The following FSIP2 variants were observed in gnomAD, a reference collection of about 807,000 sequenced individuals.
The protein encoded by FSIP2 is fibrous sheath interacting protein 2.
A neutral mutation model predicts 510.5 loss-of-function variants in FSIP2; 367 were observed. That is an observed-to-expected ratio of 0.72 (90% CI 0.66 to 0.78). FSIP2 has a LOEUF of 0.78. Ranked by LOEUF, FSIP2 falls within the 30% of genes least tolerant of loss-of-function variation. FSIP2 has a pLI of 0.00. For missense variants in FSIP2, 7,594 were observed against 7,901.7 expected (o/e 0.96, Z 1.48); for synonymous variants, 2,601 against 2,732.2 (o/e 0.95, Z 1.50).
In FSIP2 at chr2:185,789,433, T is replaced by C; in HGVS notation, c.2297T>C (p.Leu766Ser). ...SEIVENMLEK[L>S]ESAVEKKCVE... ...ATTGTGGAAAATATGCTTGAGAAGT[T>C]AGAGTCTGCAGTTGAGAAAAAATGT... The change falls in exon 16 of 23, where the codon TTA becomes TCA. Residue 766 changes from leucine to serine, a missense_variant. Transcript: ENST00000424728. The C allele has an allele frequency of 9.8e-6, 15 of 1,534,834 alleles. No homozygotes were observed. Among genetic ancestry groups the C allele is most frequent in the Non-Finnish European group, 1.3e-5 (15 of 1,145,898 alleles).
chr2:185,803,539 C>T lies in FSIP2; in HGVS notation c.14233C>T (p.Pro4745Ser). Residue 4745 changes from proline to serine, a missense_variant, in exon 17 of 23, where the codon CCA becomes TCA. Physicochemically the swap from Pro to Ser is moderately conservative, Grantham distance 74. Transcript: ENST00000424728. ...LAEIFDFQIH[P>S]DLIANLPFKS... The stretch of plus-strand genomic sequence containing the variant: ...TGAAATTTTTGATTTCCAAATTCAT[C>T]CAGATCTTATAGCAAATCTGCCTTT... The T allele has an allele frequency of 6.5e-7, 1 of 1,533,002 alleles. No homozygotes were observed. The highest frequency in any genetic ancestry group is 8.7e-7 in the Non-Finnish European group (1 of 1,144,908). 95.0% of individuals were successfully genotyped at this position (1,533,002 alleles called of 1,614,324 possible).
At chr2:185,764,023 A>G (rs185834695) in intron 12 of FSIP2, among the ~76,000 whole-genome samples, 1 of 151,594 alleles carries the variant, frequency 6.6e-6, no homozygotes, top group Non-Finnish European at 1.5e-5. Flanking sequence ...ATAAAAAAAA[A>G]TTTTTTAACA....
chr2:185,771,115 C>T (rs1692598923), intron 13 of FSIP2, among the ~76,000 whole-genome samples: 1 of 152,192 alleles, frequency 6.6e-6, no homozygotes, highest in African/African-American at 2.4e-5. Context: ...AGGGTGGAAC[C>T]CCCATGGCTT....
chr2:185,749,485 A>G (rs1473318487), intron 7 of FSIP2, among the ~76,000 whole-genome samples: 2 of 152,000 alleles, frequency 1.3e-5, no homozygotes, highest in Non-Finnish European at 2.9e-5. Flanking sequence ...ATTTATTTAT[A>G]TTCATCTTGT....
chr2:185,788,014 C>T (rs181064467), intron 15 of FSIP2: 2 of 151,020 alleles, frequency 1.3e-5, no homozygotes, highest in South Asian at 2.1e-4. Flanking sequence ...ATACAAAGCC[C>T]GTCAATCTAT....
chr2:185,794,643 G>T lies in FSIP2; in HGVS notation c.7507G>T (p.Gly2503Cys). ...GTATCAAAGAGTAAGGGAAGTCACA[G>T]GCCATTTGCCTCCACTTAATGAAAC... ...KLYQRVREVT[G>C]HLPPLNETAN... The change falls in exon 16 of 23, where the codon GGC becomes TGC. Residue 2503 changes from glycine (G) to cysteine (C), a missense_variant. Coordinates refer to ENST00000424728, the MANE Select transcript of FSIP2 (RefSeq NM_173651.4). The T allele has an allele frequency of 6.5e-7, 1 of 1,533,000 alleles. No homozygotes were observed. The highest frequency in any genetic ancestry group is 8.7e-7 in the Non-Finnish European group (1 of 1,145,314). The allele number at this position is 1,533,000 out of a possible 1,614,324, so 95.0% of individuals were successfully genotyped here. A position where few individuals can be genotyped will look rare whatever the true frequency, so the allele number is the denominator to read the frequency against.
chr2:185,774,139 A>C (rs780462579), intron 13 of FSIP2, among the ~76,000 whole-genome samples: 1 of 152,130 alleles, frequency 6.6e-6, no homozygotes, highest in Non-Finnish European at 1.5e-5. Flanking sequence ...CCTGCACAGT[A>C]ATCTTTTTTT....
chr2:185,799,030 T>G (rs1693363496), intron 16 of FSIP2, among the ~76,000 whole-genome samples: 1 of 151,826 alleles, frequency 6.6e-6, no homozygotes, highest in Admixed American at 6.6e-5. Flanking sequence ...AAAACTGTGT[T>G]GCTCTTGGCT....
chr2:185,762,817 CA>C (rs776057536), intron 11 of FSIP2, among the ~76,000 whole-genome samples: 2 of 151,258 alleles, frequency 1.3e-5, no homozygotes, highest in Non-Finnish European at 3.0e-5. Flanking sequence ...TCCTAAATCA[CA>C]GCTTTGTTTA....
chr2:185,743,313 C>T lies in FSIP2; in HGVS notation c.387+19C>T, dbSNP rs1041934880. The T allele has an allele frequency of 3.4e-6, 5 of 1,451,974 alleles. No homozygotes were observed. Among genetic ancestry groups the T allele is most frequent in the African/African-American group, 2.9e-5 (2 of 68,732 alleles). The allele number at this position is 1,451,974 out of a possible 1,614,324, so 89.9% of individuals were successfully genotyped here. Reference sequence around the variant, plus strand: ...TAATAAAGTGGGTTGAAAATTACTTCTTTTTTTAATCAATGAAACCCTTTA... The same window carrying T: ...TAATAAAGTGGGTTGAAAATTACTTTTTTTTTTAATCAATGAAACCCTTTA... On this transcript the variant is annotated intron_variant, in intron 3 of 22. Coordinates refer to ENST00000424728, the MANE Select transcript of FSIP2 (RefSeq NM_173651.4).
chr2:185,739,022 C>A, intron 1 of FSIP2, 29 bp downstream of exon 1: 3 of 1,523,934 alleles, frequency 2.0e-6, no homozygotes, highest in Non-Finnish European at 2.6e-6. Flanking sequence ...GGCGGCGTCG[C>A]CCTCTGGCGG....
In FSIP2 at chr2:185,761,042, A is replaced by G; in HGVS notation, c.1133A>G (p.Lys378Arg). The G allele has an allele frequency of 6.6e-7, 1 of 1,512,216 alleles. No homozygotes were observed. Among genetic ancestry groups the G allele is most frequent in the South Asian group, 1.2e-5 (1 of 82,124 alleles). The allele number at this position is 1,512,216 out of a possible 1,614,324, so 93.7% of individuals were successfully genotyped here. The change falls in exon 10 of 23, where the codon AAA becomes AGA. Residue 378 changes from lysine (K) to arginine (R), a missense_variant. Physicochemically the swap from Lys to Arg is conservative, Grantham distance 26. Coordinates refer to ENST00000424728, the MANE Select transcript of FSIP2 (RefSeq NM_173651.4). The stretch of plus-strand genomic sequence containing the variant: ...CAAAATAGTTCAAATAATTTTACGA[A>G]AAAAAACTCAGCTTCTGTTGTTTAT... Reference protein sequence around the residue: ...QRQNSSNNFTKKNSASVVYQA... With the variant: ...QRQNSSNNFTRKNSASVVYQA...
Position 185,808,973 on chromosome 2 carries a change from A to G in FSIP2, c.19667A>G (p.Gln6556Arg). The change falls in exon 17 of 23, where the codon CAG (glutamine) becomes CGG (arginine). Residue 6556 changes from glutamine to arginine, a missense_variant. Gln to Arg is a conservative substitution (Grantham distance 43, BLOSUM62 1). Transcript: ENST00000424728. Reference protein sequence around the residue: ...IKTQPLEKLKQECLKRTGHSI... With the variant: ...IKTQPLEKLKRECLKRTGHSI... The stretch of plus-strand genomic sequence containing the variant: ...ACTCAACCTCTTGAGAAACTTAAGC[A>G]GGAGTGTTTGAAAAGAACTGGACAT... The G allele has an allele frequency of 8.7e-6, 14 of 1,611,918 alleles. No homozygotes were observed. The highest frequency in any genetic ancestry group is 1.2e-5 in the Non-Finnish European group (14 of 1,179,262).
rs1186215878 is a variant in FSIP2 at position 185,790,471 on chromosome 2, G to A, written c.3335G>A (p.Ser1112Asn). 1 of 1,533,918 alleles carries A rather than the reference G, an allele frequency of 6.5e-7. No individual in the cohort carries two copies. The highest frequency in any genetic ancestry group is 2.4e-5 in the East Asian group (1 of 40,854). ...IEKASENIVT[S>N]ILKEMLKDIS... ...AAGGCTTCAGAAAACATAGTCACAA[G>A]TATTTTAAAGGAAATGCTCAAGGAC... Residue 1112 changes from serine (S) to asparagine (N), a missense_variant, in exon 16 of 23, where the codon AGT becomes AAT. Coordinates refer to ENST00000424728, the MANE Select transcript of FSIP2 (RefSeq NM_173651.4).
At chr2:185,747,079 T>C (rs1204812055) in intron 6 of FSIP2, among the ~76,000 whole-genome samples, 1 of 152,102 alleles carries the variant, frequency 6.6e-6, no homozygotes, top group African/African-American at 2.4e-5. Context: ...AATGCCCTTA[T>C]TGTGGAGACA....
At chr2:185,786,040 C>G (rs1338354219) in intron 14 of FSIP2, among the ~76,000 whole-genome samples, 1 of 151,558 alleles carries the variant, frequency 6.6e-6, no homozygotes, top group Non-Finnish European at 1.5e-5. Flanking sequence ...ATTCTGTACC[C>G]CTGGGTAATA....
At position 185,768,121 on chromosome 2, in the gene FSIP2, T is replaced by A. The variant is rs980574750; in HGVS notation, c.1411+3556T>A. Among the ~76,000 whole-genome samples the A allele has an allele frequency of 5.9e-5, 9 of 151,966 alleles. No individual in the cohort carries two copies. In the East Asian group the frequency reaches 1.7e-3, roughly 29 times the overall value. On this transcript the variant is annotated intron_variant, in intron 13 of 22. Transcript: ENST00000424728. ...TGATTGTATTTTTATTTTTAATAAT[T>A]TTTTTTTACTATTGAGTTGTTTCAG...
In FSIP2 at chr2:185,815,456, T is replaced by G; in HGVS notation, c.20411T>G (p.Leu6804Arg). The change falls in exon 19 of 23, where the codon CTC (leucine) becomes CGC (arginine). Residue 6804 changes from leucine (L) to arginine (R), a missense_variant. Coordinates refer to ENST00000424728, the MANE Select transcript of FSIP2 (RefSeq NM_173651.4). ...TCATCTTCATACAACCAAGAAGATCTCATTTCATCTACTGGGTATATGAAA... is the reference window on the plus strand; with the variant it reads ...TCATCTTCATACAACCAAGAAGATCGCATTTCATCTACTGGGTATATGAAA... ...MSSSSYNQED[L>R]ISSTGEAEDC... 7.2e-7 allele frequency: 1 copy of G among 1,387,130 alleles called. No homozygotes were observed. The highest frequency in any genetic ancestry group is 1.0e-6 in the Non-Finnish European group (1 of 991,474). The allele number at this position is 1,387,130 out of a possible 1,614,324, so 85.9% of individuals were successfully genotyped here.
chr2:185,760,013 G>C (rs1692319450), intron 9 of FSIP2, among the ~76,000 whole-genome samples: 1 of 38,528 alleles, frequency 2.6e-5, no homozygotes, highest in Admixed American at 2.4e-4. Flanking sequence ...GGATTTTTCA[G>C]AGAATTTGTT....
Sources: gnomAD v4.1 joint callset for allele counts (sites outside exome capture counted in the v4.1 genomes callset) on GRCh38, gnomAD v4.1.1 for gene constraint, MANE v1.5 for transcripts, NCBI Gene and HGNC (gene_info 2026-07-23, HGNC 2026-07-21) for gene names.